Variants in PTPRM observed in about 807,000 individuals in gnomAD.
PTPRM encodes protein tyrosine phosphatase receptor type M.
Under a neutral mutation model 186.7 loss-of-function variants are expected in PTPRM, and 47 were observed. The observed-to-expected ratio is 0.25, with a 90% CI of 0.20 to 0.32. PTPRM has a LOEUF of 0.32. Among genes scored for constraint, PTPRM ranks in the 10% least tolerant of loss-of-function variants. The probability of loss-of-function intolerance (pLI) is 1.00; values close to 1 mark genes in which losing one functional copy is unlikely to be tolerated. For synonymous variants in PTPRM, 668 were observed against 674.9 expected, an observed-to-expected ratio of 0.99 and a Z score of 0.16; for missense variants, 1,494 against 1,865.0, an observed-to-expected ratio of 0.80 and a Z score of 3.66.
intron 31 of PTPRM, among the ~76,000 whole-genome samples, chr18:8,390,971 A>AAT (rs1568894174): frequency 0.012 from 1,425 of 117,352 alleles, 17 homozygotes; most frequent in African/African-American, 0.042. Flanking sequence ...ATAATAATAA[A>AAT]GATGTCCCGA....
intron 1 of PTPRM, among the ~76,000 whole-genome samples, chr18:7,768,156 G>C (rs2042100532): frequency 6.6e-6 from 1 of 152,122 alleles, no homozygotes; most frequent in Non-Finnish European, 1.5e-5. Flanking sequence ...GAAACTCTGT[G>C]ATTTTCAGGA....
intron 2 of PTPRM, among the ~76,000 whole-genome samples, chr18:7,830,721 A>G (rs2045717744): frequency 6.6e-6 from 1 of 152,190 alleles, no homozygotes; most frequent in Non-Finnish European, 1.5e-5. Flanking sequence ...GAAGCTGCCA[A>G]TCATCCTGTC....
intron 1 of PTPRM, among the ~76,000 whole-genome samples, chr18:7,711,362 C>T (rs2040209847): frequency 6.6e-6 from 1 of 152,198 alleles, no homozygotes; most frequent in Non-Finnish European, 1.5e-5. Flanking sequence ...CCTTGGGTGC[C>T]TACACCACCA....
intron 5 of PTPRM, among the ~76,000 whole-genome samples, chr18:7,934,493 A>G (rs2146890541): frequency 6.6e-6 from 1 of 152,348 alleles, no homozygotes; most frequent in East Asian, 1.9e-4. Context: ...TTTATAACCT[A>G]CAACGATTTT....
chr18:8,107,588 G>A (rs1177951713), intron 11 of PTPRM, among the ~76,000 whole-genome samples: 2 of 152,184 alleles, frequency 1.3e-5, no homozygotes, highest in Admixed American at 1.3e-4. Context: ...ACTTACTGAT[G>A]CCAGGCAAGC....
At chr18:7,876,104 A>C (rs2146233176) in intron 2 of PTPRM, among the ~76,000 whole-genome samples, 1 of 145,074 alleles carries the variant, frequency 6.9e-6, no homozygotes, top group East Asian at 2.1e-4. Flanking sequence ...AATGTCCTTA[A>C]GTGATGCATG....
At chr18:8,399,340 T>C (rs1231504537) in intron 32 of PTPRM, among the ~76,000 whole-genome samples, 1 of 152,186 alleles carries the variant, frequency 6.6e-6, no homozygotes. Flanking sequence ...CAAAGTTCAG[T>C]TGGATGGCGA....
At chr18:7,616,182 G>C (rs1374161225) in intron 1 of PTPRM, among the ~76,000 whole-genome samples, 1 of 152,048 alleles carries the variant, frequency 6.6e-6, no homozygotes, top group Admixed American at 6.6e-5. Context: ...TTTTAGACAG[G>C]GTCTCACTCT....
intron 1 of PTPRM, among the ~76,000 whole-genome samples, chr18:7,643,993 A>G (rs1253541106): frequency 6.6e-6 from 1 of 152,212 alleles, no homozygotes; most frequent in East Asian, 1.9e-4. Flanking sequence ...ATATTTAAAT[A>G]TAATAGTGTA....
Position 8,253,250 on chromosome 18 carries a change from G to C in PTPRM, c.2590G>C (p.Asp864His). 6.5e-7 allele frequency: 1 copy of C among 1,532,964 alleles called. No individual in the cohort carries two copies. The highest frequency in any genetic ancestry group is 8.8e-7 in the Non-Finnish European group (1 of 1,137,928). 95.0% of individuals were successfully genotyped at this position (1,532,964 alleles called of 1,614,324 possible). Reference protein sequence around the residue: ...INDETHTMASDTSSLVQSHTY... With the variant: ...INDETHTMASHTSSLVQSHTY... Reference sequence around the variant, plus strand: ...AGATGAAACCCACACAATGGCCAGCGATACCAGCAGCCTGGTGCAGTCCCA... The same window carrying C: ...AGATGAAACCCACACAATGGCCAGCCATACCAGCAGCCTGGTGCAGTCCCA... Residue 864 changes from aspartate (D) to histidine (H), a missense_variant, in exon 19 of 33, where the codon GAT (aspartate) becomes CAT (histidine). Around this residue, in one of 3 missense-constraint regions of PTPRM, gnomAD observed 1,107 missense variants for 1,350.2 expected, o/e 0.82. Transcript: ENST00000580170.
chr18:8,379,986 A>T (rs373802502), intron 28 of PTPRM, among the ~76,000 whole-genome samples: 4 of 152,394 alleles, frequency 2.6e-5, no homozygotes, highest in East Asian at 3.9e-4. Flanking sequence ...TTTTAAAAGT[A>T]AAGTTAAATT....
chr18:7,745,135 T>C (rs1317331407), intron 1 of PTPRM, among the ~76,000 whole-genome samples: 1 of 151,946 alleles, frequency 6.6e-6, no homozygotes, highest in Non-Finnish European at 1.5e-5. Flanking sequence ...TAATAAGTGG[T>C]ACTTCTTAGA....
At chr18:7,707,141 A>T (rs1051239015) in intron 1 of PTPRM, among the ~76,000 whole-genome samples, 2 of 152,220 alleles carry the variant, frequency 1.3e-5, no homozygotes, top group Admixed American at 6.5e-5. Context: ...GAATCTCTTT[A>T]TAGGAAAATA....
intron 1 of PTPRM, among the ~76,000 whole-genome samples, chr18:7,681,062 G>T (rs2039469276): frequency 6.6e-6 from 1 of 152,156 alleles, no homozygotes; most frequent in African/African-American, 2.4e-5. Flanking sequence ...CCCTGGGAAA[G>T]GCTTGACACC....
At chr18:7,861,853 C>A (rs543868467) in intron 2 of PTPRM, among the ~76,000 whole-genome samples, 204 of 152,156 alleles carry the variant, frequency 1.3e-3, no homozygotes, top group African/African-American at 4.6e-3. Context: ...TACTCTCTTA[C>A]CCCCACCCTG....
intron 1 of PTPRM, among the ~76,000 whole-genome samples, chr18:7,764,379 G>C (rs2041923583): frequency 6.6e-6 from 1 of 152,140 alleles, no homozygotes. Context: ...ACACACATAG[G>C]ATGGTTATAC....
intron 7 of PTPRM, among the ~76,000 whole-genome samples, chr18:8,021,722 A>C (rs1317578786): frequency 6.6e-6 from 1 of 152,098 alleles, no homozygotes; most frequent in Non-Finnish European, 1.5e-5. Flanking sequence ...AGAGTATTCC[A>C]TGGTGTATTT....
At chr18:7,631,252 G>A (rs2038184266) in intron 1 of PTPRM, among the ~76,000 whole-genome samples, 1 of 152,120 alleles carries the variant, frequency 6.6e-6, no homozygotes, top group Admixed American at 6.5e-5. Flanking sequence ...AATTGAAACT[G>A]AATCCCACTG....
At position 8,240,653 on chromosome 18, in the gene PTPRM, GAAAGAAAGAAAGAA is replaced by G. The variant is rs1470693970; in HGVS notation, c.2301-3403_2301-3390del. On this transcript the variant is annotated intron_variant, in intron 14 of 32. Transcript: ENST00000580170. ...AGAGAGAGAGAGAGAGAGAGAGAGA[GAAAGAAAGAAAGAA>G]AGAAAGAAAGAAAAAGAAAGAGAGA... is the stretch of plus-strand genomic sequence containing the variant. Among the ~76,000 whole-genome samples, 97 of 17,510 alleles carry G rather than the reference GAAAGAAAGAAAGAA, an allele frequency of 5.5e-3. 5 individuals carry two copies. Among genetic ancestry groups the G allele is most frequent in the African/African-American group, 0.023 (92 of 4,082 alleles). 11.5% of individuals were successfully genotyped at this position (17,510 alleles called of 152,430 possible). A position where few individuals can be genotyped will look rare whatever the true frequency, so the allele number is the denominator to read the frequency against.
Sources: allele counts gnomAD v4.1 joint callset (sites outside exome capture counted in the v4.1 genomes callset), GRCh38; gene constraint gnomAD v4.1.1; regional missense constraint gnomAD v4.1.1; transcripts MANE v1.5; gene names NCBI Gene and HGNC (gene_info 2026-07-23, HGNC 2026-07-21).